SLC38A11: variants seen among roughly 807,000 people sequenced by gnomAD.
SLC38A11 encodes solute carrier family 38 member 11.
A neutral mutation model predicts 49.4 loss-of-function variants in SLC38A11; 51 were observed. That is an observed-to-expected ratio of 1.03 (90% confidence interval 0.83 to 1.30). The LOEUF (loss-of-function observed/expected upper bound fraction) is 1.30, where lower values mean the gene tolerates loss of function less well. Ranked by LOEUF, SLC38A11 falls within the 50% of genes most tolerant of loss-of-function variation. The pLI is 0.00. For missense variants in SLC38A11, 574 were observed against 556.2 expected (o/e 1.03, Z -0.32); for synonymous variants, 203 against 192.9 (o/e 1.05, Z -0.43).
chr2:164,930,461 A>AT (rs1686922878), intron 7 of SLC38A11, among the ~76,000 whole-genome samples: 1 of 152,040 alleles, frequency 6.6e-6, no homozygotes, highest in Non-Finnish European at 1.5e-5. Context: ...CAAAAAAAAA[A>AT]CTTCAGGCCA....
rs532378655 is a variant in SLC38A11, at chr2:164,939,666, T to C, written c.431-110A>G. On this transcript the variant is annotated intron_variant, in intron 5 of 11. Coordinates refer to ENST00000685975, the MANE Select transcript of SLC38A11 (RefSeq NM_001351537.2). ...AAATTACTTAAACATAAATACTACC[T>C]CAATGACAATAATTTTGAGTTAATA... 8 of 550,346 alleles carry C rather than the reference T, an allele frequency of 1.5e-5. No homozygotes were observed. In the African/African-American group the frequency reaches 1.5e-4, roughly 11 times the overall value. The allele number at this position is 550,346 out of a possible 1,614,324, so 34.1% of individuals were successfully genotyped here.
intron 3 of SLC38A11, 145 bp from the exon 4 acceptor site, chr2:164,945,872 T>G (rs1688072345): frequency 1.2e-6 from 1 of 840,212 alleles, no homozygotes; most frequent in Non-Finnish European, 1.8e-6. Context: ...AGGCTAACTT[T>G]CTTTTCATAA....
At chr2:164,911,105 T>C (rs1685369383) in intron 10 of SLC38A11, among the ~76,000 whole-genome samples, 1 of 152,022 alleles carries the variant, frequency 6.6e-6, no homozygotes. Context: ...AAAATGTATC[T>C]GTAAAACTAA....
chr2:164,955,193 T>A lies in SLC38A11; in HGVS notation c.39+16A>T. The A allele has an allele frequency of 6.4e-7, 1 of 1,550,410 alleles. No individual in the cohort carries two copies. Among genetic ancestry groups the A allele is most frequent in the Non-Finnish European group, 8.7e-7 (1 of 1,146,788 alleles). On this transcript the variant is annotated intron_variant, in intron 1 of 11. Coordinates refer to ENST00000685975, the MANE Select transcript of SLC38A11 (RefSeq NM_001351537.2). ...CGGACAACTGGCTTCAGAACCTGCC[T>A]AGTCGCTAGTTTTACCTGCGGCGGG...
At chr2:164,919,474 A>G (rs184836306) in intron 7 of SLC38A11, among the ~76,000 whole-genome samples, 41 of 152,342 alleles carry the variant, frequency 2.7e-4, no homozygotes, top group Middle Eastern at 6.8e-3. Flanking sequence ...TGATAAAATT[A>G]TTTATATACA....
At chr2:164,945,804 G>C in intron 3 of SLC38A11, 77 bp from the exon 4 acceptor site, 1 of 1,474,920 alleles carries the variant, frequency 6.8e-7, no homozygotes. Context: ...AATTACCATC[G>C]AGAAAAGGGG....
intron 7 of SLC38A11, among the ~76,000 whole-genome samples, chr2:164,924,269 G>C (rs1248365122): frequency 6.6e-6 from 1 of 152,098 alleles, no homozygotes; most frequent in African/African-American, 2.4e-5. Flanking sequence ...TAAACATTGG[G>C]TACATGTGGA....
chr2:164,950,969 CTTTA>C (rs1363983735), intron 3 of SLC38A11, among the ~76,000 whole-genome samples: 1 of 151,884 alleles, frequency 6.6e-6, no homozygotes, highest in African/African-American at 2.4e-5. Context: ...TGTGGTCATC[CTTTA>C]TTTATCAGTT....
chr2:164,938,050 G>A (rs1445135762), intron 6 of SLC38A11, among the ~76,000 whole-genome samples: 1 of 151,970 alleles, frequency 6.6e-6, no homozygotes, highest in Non-Finnish European at 1.5e-5. Flanking sequence ...GTGTGTGTCT[G>A]TGCCCGGTGC....
intron 7 of SLC38A11, among the ~76,000 whole-genome samples, chr2:164,936,285 A>G (rs1687367147): frequency 6.6e-6 from 1 of 152,088 alleles, no homozygotes; most frequent in Non-Finnish European, 1.5e-5. Context: ...TTTTCCCCCA[A>G]TTAGCTTGAG....
intron 11 of SLC38A11, among the ~76,000 whole-genome samples, chr2:164,899,001 A>G (rs1244723684): frequency 6.6e-6 from 1 of 152,120 alleles, no homozygotes; most frequent in Non-Finnish European, 1.5e-5. Flanking sequence ...AATATAGAAA[A>G]TAAAGCAGAT....
chr2:164,929,482 A>G (rs1413363087), intron 7 of SLC38A11, among the ~76,000 whole-genome samples: 3 of 152,130 alleles, frequency 2.0e-5, no homozygotes, highest in African/African-American at 7.2e-5. Context: ...AGGTACCTTA[A>G]AAGAGAAAAT....
At chr2:164,921,343 A>G (rs1686188530) in intron 7 of SLC38A11, among the ~76,000 whole-genome samples, 1 of 152,134 alleles carries the variant, frequency 6.6e-6, no homozygotes, top group Non-Finnish European at 1.5e-5. Flanking sequence ...ACTTTATTTT[A>G]TTTGTGAGAC....
chr2:164,925,984 T>C (rs1480832548), intron 7 of SLC38A11, among the ~76,000 whole-genome samples: 1 of 152,182 alleles, frequency 6.6e-6, no homozygotes, highest in East Asian at 1.9e-4. Context: ...AGTGCCTTCA[T>C]TCAATCAGTC....
At chr2:164,938,206 A>C (rs1399259649) in intron 6 of SLC38A11, among the ~76,000 whole-genome samples, 1 of 152,090 alleles carries the variant, frequency 6.6e-6, no homozygotes, top group African/African-American at 2.4e-5. Context: ...TAAGTTGTTA[A>C]TTTTTAACTA....
chr2:164,912,884 T>C (rs1301634218), intron 9 of SLC38A11, among the ~76,000 whole-genome samples: 1 of 151,896 alleles, frequency 6.6e-6, no homozygotes, highest in African/African-American at 2.4e-5. Context: ...CAGTAGTCCA[T>C]GGAAGAAATA....
At chr2:164,922,065 A>G (rs980245942) in intron 7 of SLC38A11, 2 of 152,160 alleles carry the variant, frequency 1.3e-5, no homozygotes, top group African/African-American at 4.8e-5. Flanking sequence ...ACAAACTCTT[A>G]TCTTTATAAC....
chr2:164,916,408 T>C (rs1257512693), intron 7 of SLC38A11, among the ~76,000 whole-genome samples: 1 of 152,122 alleles, frequency 6.6e-6, no homozygotes, highest in Non-Finnish European at 1.5e-5. Context: ...TAGTCAGCAC[T>C]AAAATTTATT....
Position 164,944,595 on chromosome 2 carries a change from C to A in SLC38A11, c.404G>T (p.Ser135Ile). Residue 135 changes from serine to isoleucine, a missense_variant, in exon 5 of 12, where the codon AGC becomes ATC. By Grantham distance (142) the Ser-to-Ile change is moderately radical. Coordinates refer to ENST00000685975, the MANE Select transcript of SLC38A11 (RefSeq NM_001351537.2). Reference sequence around the variant, plus strand: ...TCCTGGGATTCTTTGAAAAACTTTGCTCAAAGTATCTCCAGCTATTATATT... The same window carrying A: ...TCCTGGGATTCTTTGAAAAACTTTGATCAAAGTATCTCCAGCTATTATATT... ...SYNIIAGDTL[S>I]KVFQRIPGVD... 2.2e-6 allele frequency: 3 copies of A among 1,342,732 alleles called. No homozygotes were observed. The highest frequency in any genetic ancestry group is 1.9e-6 in the Non-Finnish European group (2 of 1,035,532). 83.2% of individuals were successfully genotyped at this position (1,342,732 alleles called of 1,614,324 possible). A position where few individuals can be genotyped will look rare whatever the true frequency, so the allele number is the denominator to read the frequency against.
Sources: gnomAD v4.1 joint callset for allele counts (sites outside exome capture counted in the v4.1 genomes callset) on GRCh38, gnomAD v4.1.1 for gene constraint, MANE v1.5 for transcripts, NCBI Gene and HGNC (gene_info 2026-07-23, HGNC 2026-07-21) for gene names.